ADCY9: variants seen among roughly 807,000 people sequenced by gnomAD.
ADCY9 encodes adenylate cyclase 9, also known as adenylate cyclase type 9.
ADCY9 carries 50 observed loss-of-function variants against 101.5 expected under a neutral mutation model. The ratio of observed to expected loss-of-function variants is 0.49; its 90% CI spans 0.39 to 0.62. The LOEUF (loss-of-function observed/expected upper bound fraction) is 0.62, where lower values mean the gene tolerates loss of function less well. Ranked by LOEUF, ADCY9 falls within the 20% of genes least tolerant of loss-of-function variation. The pLI is 0.00. For synonymous variants in ADCY9, 905 were observed against 769.3 expected, an observed-to-expected ratio of 1.18 and a Z score of -2.92; for missense variants, 1,662 against 1,800.4, an observed-to-expected ratio of 0.92 and a Z score of 1.39.
chr16:3,994,226 G>A (rs975786230), intron 3 of ADCY9, among the ~76,000 whole-genome samples: 5 of 152,134 alleles, frequency 3.3e-5, no homozygotes, highest in African/African-American at 1.2e-4. Context: ...TGTGAAGCAG[G>A]AACGGGTCCT....
chr16:3,993,307 G>A, intron 4 of ADCY9, 99 bp downstream of exon 4: 1 of 1,550,384 alleles, frequency 6.5e-7, no homozygotes, highest in East Asian at 2.3e-5. Context: ...CCCAAGAGGA[G>A]TTACTCTCAG....
intron 2 of ADCY9, among the ~76,000 whole-genome samples, chr16:4,026,531 C>T (rs905794644): frequency 3.3e-5 from 5 of 151,212 alleles, no homozygotes; most frequent in South Asian, 2.1e-4. Flanking sequence ...TTACAAAAAA[C>T]GCTGTACGCA....
intron 6 of ADCY9, among the ~76,000 whole-genome samples, chr16:3,985,608 G>T (rs749580179): frequency 6.6e-6 from 1 of 152,134 alleles, no homozygotes; most frequent in Non-Finnish European, 1.5e-5. Context: ...ATGTGAGGCC[G>T]GAAGGTTTCC....
chr16:4,104,758 T>C (rs753787361), intron 2 of ADCY9, among the ~76,000 whole-genome samples: 13 of 152,174 alleles, frequency 8.5e-5, no homozygotes, highest in South Asian at 4.1e-4. Flanking sequence ...TTGCAACAAA[T>C]TGAATGCCAA....
At chr16:4,092,274 A>C (rs1186458709) in intron 2 of ADCY9, among the ~76,000 whole-genome samples, 1 of 152,184 alleles carries the variant, frequency 6.6e-6, no homozygotes, top group Non-Finnish European at 1.5e-5. Context: ...TGTCTCAAAA[A>C]ACAAACAAAC....
chr16:3,953,856 G>A (rs1481229085), intron 5 of ADCY9, among the ~76,000 whole-genome samples: 1 of 152,236 alleles, frequency 6.6e-6, no homozygotes, highest in Non-Finnish European at 1.5e-5. Flanking sequence ...TGGGGACAAA[G>A]TGACCATCAG....
At chr16:3,977,324 C>T (rs2141682665) in intron 9 of ADCY9, among the ~76,000 whole-genome samples, 158 bp downstream of exon 9, 1 of 152,332 alleles carries the variant, frequency 6.6e-6, no homozygotes, top group Middle Eastern at 3.4e-3. Context: ...ATCTCATTAG[C>T]TCTTTGGTAT....
At chr16:4,052,085 G>A (rs1172753661) in intron 2 of ADCY9, among the ~76,000 whole-genome samples, 2 of 152,162 alleles carry the variant, frequency 1.3e-5, no homozygotes, top group Middle Eastern at 3.2e-3. Context: ...ACCCTGCAGG[G>A]ACTCTCCTGC....
chr16:4,004,908 G>C (rs532383829), intron 3 of ADCY9, among the ~76,000 whole-genome samples: 24 of 152,148 alleles, frequency 1.6e-4, no homozygotes, highest in Non-Finnish European at 3.2e-4. Context: ...CAGGACACAC[G>C]TGAAAATCTA....
rs2056891899 is a variant in ADCY9, at chr16:4,079,989, A to G, written c.1693+33761T>C. Among the ~76,000 whole-genome samples the G allele has an allele frequency of 2.0e-5, 3 of 152,290 alleles. No homozygotes were observed. The South Asian group carries it at 6.2e-4, about 32-fold the overall frequency. The stretch of plus-strand genomic sequence containing the variant: ...ATCTGCCAAAACAGAGAGCTTCAAA[A>G]GTCACACATTCCTTAAAGCTGCAGT... On this transcript the variant is annotated intron_variant, in intron 2 of 10. Transcript: ENST00000294016.
intron 2 of ADCY9, among the ~76,000 whole-genome samples, chr16:4,108,437 G>A (rs1393337408): frequency 4.3e-5 from 5 of 116,444 alleles, no homozygotes; most frequent in Non-Finnish European, 8.2e-5. Flanking sequence ...GCAATGGCAC[G>A]ATCTCGGCTC....
chr16:4,037,007 C>T (rs2056594688), intron 2 of ADCY9, among the ~76,000 whole-genome samples: 2 of 152,126 alleles, frequency 1.3e-5, no homozygotes, highest in Non-Finnish European at 2.9e-5. Flanking sequence ...TCTTTTGTGT[C>T]TGGCTTCCTT....
Position 4,033,175 on chromosome 16 carries a change from A to G in ADCY9, c.1694-25617T>C, listed in dbSNP as rs116484436. Among the ~76,000 whole-genome samples, 1,070 of 152,308 alleles carry G rather than the reference A, an allele frequency of 7.0e-3. 20 individuals are homozygous for G. The highest frequency in any genetic ancestry group is 0.025 in the African/African-American group (1,022 of 41,560). ...ATTATGATTTTCCCATAAATCACAT[A>G]TAAGCACTTAGCAAAAAATATTTAA... is the stretch of plus-strand genomic sequence containing the variant. On this transcript the variant is annotated intron_variant, in intron 2 of 10. Transcript: ENST00000294016.
At chr16:3,977,982 GC>G (rs2056107365) in intron 8 of ADCY9, among the ~76,000 whole-genome samples, 1 of 152,112 alleles carries the variant, frequency 6.6e-6, no homozygotes, top group African/African-American at 2.4e-5. Flanking sequence ...CTCTCAAAGT[GC>G]CTGGGATTAC....
chr16:4,050,052 C>T (rs1350119964), intron 2 of ADCY9, among the ~76,000 whole-genome samples: 1 of 151,824 alleles, frequency 6.6e-6, no homozygotes, highest in Non-Finnish European at 1.5e-5. Flanking sequence ...AAGAACTATC[C>T]CGAGAGTCCA....
At chr16:4,041,675 GA>G (rs1239008595) in intron 2 of ADCY9, among the ~76,000 whole-genome samples, 2 of 150,594 alleles carry the variant, frequency 1.3e-5, no homozygotes, top group Non-Finnish European at 3.0e-5. Context: ...ACTTAAAAAA[GA>G]AAATGGGCAA....
chr16:3,989,193 G>C, intron 5 of ADCY9, 97 bp from the exon 6 acceptor site: 2 of 882,636 alleles, frequency 2.3e-6, no homozygotes, highest in Non-Finnish European at 3.7e-6. Flanking sequence ...TGCTCATTAG[G>C]TATATTACAA....
intron 2 of ADCY9, among the ~76,000 whole-genome samples, chr16:4,108,390 T>TTTTTTTTTTA (rs1491411801): frequency 6.5e-5 from 8 of 123,746 alleles, no homozygotes; most frequent in African/African-American, 2.7e-4. Context: ...TTTTTTTTTT[T>TTTTTTTTTTA]GGCGACAAAG....
At chr16:3,990,309 T>C (rs1317652129) in intron 5 of ADCY9, among the ~76,000 whole-genome samples, 2 of 151,714 alleles carry the variant, frequency 1.3e-5, no homozygotes, top group Non-Finnish European at 2.9e-5. Flanking sequence ...CTACAAAAAA[T>C]ACAAAAATTA....
Sources: gnomAD v4.1 joint callset for allele counts (sites outside exome capture counted in the v4.1 genomes callset) on GRCh38, gnomAD v4.1.1 for gene constraint, MANE v1.5 for transcripts, NCBI Gene and HGNC (gene_info 2026-07-23, HGNC 2026-07-21) for gene names.